Variants in TUSC3 observed in about 807,000 individuals in gnomAD.
TUSC3 encodes the protein dolichyl-diphosphooligosaccharide--protein glycosyltransferase subunit TUSC3.
In TUSC3, 45 loss-of-function variants were observed where a neutral mutation model predicts 44.8. The observed-to-expected ratio is 1.00, with a 90% CI of 0.79 to 1.29. The LOEUF (loss-of-function observed/expected upper bound fraction) is 1.29, where lower values mean the gene tolerates loss of function less well. Among genes scored for constraint, TUSC3 ranks in the 50% most tolerant of loss-of-function variants. TUSC3 has a pLI of 0.00. For synonymous variants in TUSC3, 212 were observed against 152.9 expected, an observed-to-expected ratio of 1.39 and a Z score of -2.85; for missense variants, 519 against 437.9, an observed-to-expected ratio of 1.19 and a Z score of -1.65.
At chr8:15,514,454 C>T (rs997550298) in intron 2 of TUSC3, among the ~76,000 whole-genome samples, 2 of 152,074 alleles carry the variant, frequency 1.3e-5, no homozygotes, top group Non-Finnish European at 2.9e-5. Context: ...TGCTGTAATA[C>T]TTTAAAAAAT....
At chr8:15,520,006 G>T (rs1031452536) in intron 2 of TUSC3, among the ~76,000 whole-genome samples, 5 of 152,142 alleles carry the variant, frequency 3.3e-5, no homozygotes, top group Non-Finnish European at 7.4e-5. Flanking sequence ...CTTAAAAACT[G>T]CCACTTCACT....
In TUSC3 at chr8:15,569,095, C is replaced by T. The variant is rs540323762; in HGVS notation, c.138+28527C>T. Reference sequence around the variant, plus strand: ...TCAAATTTTGAAAATTATAAAAAATCAGTAACAGTTTCCTTTATTACTGTA... The same window carrying T: ...TCAAATTTTGAAAATTATAAAAAATTAGTAACAGTTTCCTTTATTACTGTA... On this transcript the variant is annotated intron_variant, in intron 1 of 10. Coordinates refer to ENST00000503731, the MANE Select transcript of TUSC3 (RefSeq NM_006765.4). Among the ~76,000 whole-genome samples the T allele has an allele frequency of 2.0e-5, 3 of 152,226 alleles. No individual in the cohort carries two copies. The South Asian group carries it at 6.2e-4, about 32-fold the overall frequency.
chr8:15,639,782 G>GTTTT (rs34230510), intron 2 of TUSC3, among the ~76,000 whole-genome samples: 3 of 140,826 alleles, frequency 2.1e-5, no homozygotes, highest in South Asian at 2.3e-4. Context: ...CATAAGAGTC[G>GTTTT]TTTTTTTTTT....
chr8:15,575,009 C>T (rs1803037932), intron 1 of TUSC3, among the ~76,000 whole-genome samples: 1 of 152,038 alleles, frequency 6.6e-6, no homozygotes, highest in Non-Finnish European at 1.5e-5. Context: ...TTCTGCTGTG[C>T]TTCATTTTTA....
chr8:15,527,739 T>G (rs1023313790), intron 2 of TUSC3, among the ~76,000 whole-genome samples: 2 of 152,170 alleles, frequency 1.3e-5, no homozygotes, highest in Non-Finnish European at 2.9e-5. Context: ...CACTTTATTT[T>G]CAGTGGGAAA....
At position 15,438,584 on chromosome 8, in the gene TUSC3, T is replaced by G. The variant is rs1023216370; in HGVS notation, n.91+21279T>G. On this transcript the variant is annotated intron_variant and non_coding_transcript_variant, in intron 1 of 5. Transcript: ENST00000503191. ...TGAAAGGCCAATCTACTAATACTAT[T>G]CATGGGACCACCTTTGCTCAGCAAA... 5.3e-5 allele frequency among the ~76,000 whole-genome samples: 8 copies of G among 152,156 alleles called. No individual in the cohort carries two copies. The East Asian group carries it at 1.3e-3, about 26-fold the overall frequency.
intron 2 of TUSC3, among the ~76,000 whole-genome samples, chr8:15,644,662 T>C (rs1036441541): frequency 2.0e-5 from 3 of 152,126 alleles, no homozygotes; most frequent in African/African-American, 7.2e-5. Flanking sequence ...GGGGTAAGTA[T>C]GCATAGGGTC....
chr8:15,537,584 AT>A (rs1309508821), upstream of TUSC3, among the ~76,000 whole-genome samples: 1 of 152,174 alleles, frequency 6.6e-6, no homozygotes, highest in Non-Finnish European at 1.5e-5. Flanking sequence ...ATGACATCTC[AT>A]GTGTTTCTAA....
chr8:15,565,740 A>G (rs1293808856), intron 1 of TUSC3, among the ~76,000 whole-genome samples: 2 of 151,942 alleles, frequency 1.3e-5, no homozygotes, highest in Non-Finnish European at 2.9e-5. Context: ...AGTCTGATAC[A>G]AAGCTCTTTC....
chr8:15,629,942 C>A (rs891536550), intron 2 of TUSC3, among the ~76,000 whole-genome samples: 4 of 152,012 alleles, frequency 2.6e-5, no homozygotes, highest in African/African-American at 7.2e-5. Context: ...ACATCAAACT[C>A]CTCGGCCAAA....
At chr8:15,759,211 A>C (rs1459898264) in intron 10 of TUSC3, among the ~76,000 whole-genome samples, 1 of 152,050 alleles carries the variant, frequency 6.6e-6, no homozygotes, top group Admixed American at 6.6e-5. Context: ...TCCCGTTTGC[A>C]CCTTTTTTGG....
chr8:15,495,514 C>T (rs1170124655), intron 2 of TUSC3, among the ~76,000 whole-genome samples: 1 of 152,158 alleles, frequency 6.6e-6, no homozygotes, highest in Non-Finnish European at 1.5e-5. Flanking sequence ...TCTAGCAAGG[C>T]CCCAAGAGGA....
At chr8:15,571,771 C>A (rs982154393) in intron 1 of TUSC3, among the ~76,000 whole-genome samples, 18 of 152,184 alleles carry the variant, frequency 1.2e-4, no homozygotes, top group Non-Finnish European at 7.3e-5. Flanking sequence ...CCTGCCACTG[C>A]TCTATCAACT....
chr8:15,727,039 G>A (rs1325452290), intron 6 of TUSC3, among the ~76,000 whole-genome samples: 1 of 152,052 alleles, frequency 6.6e-6, no homozygotes, highest in Non-Finnish European at 1.5e-5. Flanking sequence ...CCTCACTCAT[G>A]AGAATTAGTA....
chr8:15,453,689 G>A (rs1356061297), intron 1 of TUSC3, among the ~76,000 whole-genome samples: 3 of 152,120 alleles, frequency 2.0e-5, no homozygotes, highest in Non-Finnish European at 4.4e-5. Context: ...TTAATCACTT[G>A]GGACTTAGTA....
At chr8:15,547,877 G>C (rs1801927138) in intron 1 of TUSC3, among the ~76,000 whole-genome samples, 1 of 151,634 alleles carries the variant, frequency 6.6e-6, no homozygotes, top group Admixed American at 6.6e-5. Flanking sequence ...ATCAAACTTG[G>C]TAGGTATCTT....
intron 6 of TUSC3, among the ~76,000 whole-genome samples, chr8:15,710,301 T>G (rs1173932483): frequency 6.6e-6 from 1 of 151,892 alleles, no homozygotes; most frequent in African/African-American, 2.4e-5. Flanking sequence ...AGATAATATA[T>G]AGTTATTTAA....
At chr8:15,818,401 T>C in the TUSC3 span, among the ~76,000 whole-genome samples, 1 of 152,210 alleles carries the variant, frequency 6.6e-6, no homozygotes, top group African/African-American at 2.4e-5. Context: ...TTCATTTGCC[T>C]CTTTTAAGAC....
intron 6 of TUSC3, among the ~76,000 whole-genome samples, chr8:15,710,142 G>A (rs1809783743): frequency 6.6e-6 from 1 of 151,582 alleles, no homozygotes; most frequent in Admixed American, 6.6e-5. Flanking sequence ...TTGCTGAAAT[G>A]TTACTTTAGG....
Sources: gnomAD v4.1 joint callset for allele counts (sites outside exome capture counted in the v4.1 genomes callset) on GRCh38, gnomAD v4.1.1 for gene constraint, MANE v1.5 for transcripts, NCBI Gene and HGNC (gene_info 2026-07-23, HGNC 2026-07-21) for gene names.